SNTB1: variants seen among roughly 807,000 people sequenced by gnomAD.
SNTB1 encodes syntrophin beta 1.
In SNTB1, 36 loss-of-function variants were observed where a neutral mutation model predicts 48.9. That is an observed-to-expected ratio of 0.74 (90% CI 0.56 to 0.97). The LOEUF (loss-of-function observed/expected upper bound fraction) is 0.97, where lower values mean the gene tolerates loss of function less well. Ranked by LOEUF, SNTB1 falls within the 50% of genes least tolerant of loss-of-function variation. SNTB1 has a pLI of 0.00. For missense variants in SNTB1, 786 were observed against 703.4 expected (o/e 1.12, Z -1.33); for synonymous variants, 299 against 294.6 (o/e 1.01, Z -0.15).
intron 2 of SNTB1, among the ~76,000 whole-genome samples, chr8:120,666,513 T>TGGG (rs1817675281): frequency 6.6e-6 from 1 of 152,238 alleles, no homozygotes; most frequent in African/African-American, 2.4e-5. Context: ...CGGTGGCTTT[T>TGGG]TAAAATTTTC....
intron 1 of SNTB1, among the ~76,000 whole-genome samples, chr8:120,757,099 A>G (rs1304258053): frequency 6.6e-6 from 1 of 152,210 alleles, no homozygotes; most frequent in African/African-American, 2.4e-5. Flanking sequence ...GCCTTGGGCT[A>G]AGGACTGTGC....
chr8:120,707,816 AC>A (rs1248227710), intron 1 of SNTB1, among the ~76,000 whole-genome samples: 2 of 152,186 alleles, frequency 1.3e-5, no homozygotes, highest in African/African-American at 4.8e-5. Context: ...ACTTCAAGTA[AC>A]ATGAAGACAT....
chr8:120,658,225 C>T (rs1817531130), intron 2 of SNTB1, among the ~76,000 whole-genome samples: 1 of 152,148 alleles, frequency 6.6e-6, no homozygotes, highest in Non-Finnish European at 1.5e-5. Context: ...TATCCAAGAA[C>T]CTGTTAACAG....
At chr8:120,759,034 G>C (rs1819365945) in intron 1 of SNTB1, among the ~76,000 whole-genome samples, 1 of 151,950 alleles carries the variant, frequency 6.6e-6, no homozygotes, top group Non-Finnish European at 1.5e-5. Flanking sequence ...GCCTCCCAAA[G>C]TGCAAGGATT....
intron 2 of SNTB1, among the ~76,000 whole-genome samples, chr8:120,692,879 A>G (rs898032914): frequency 3.9e-5 from 6 of 152,198 alleles, no homozygotes; most frequent in Admixed American, 2.0e-4. Flanking sequence ...AGCACCTTAC[A>G]TGGTGCATTG....
intron 4 of SNTB1, among the ~76,000 whole-genome samples, chr8:120,569,231 C>T (rs1033412952): frequency 6.6e-6 from 1 of 152,206 alleles, no homozygotes; most frequent in Non-Finnish European, 1.5e-5. Context: ...CTGCCTACCT[C>T]GGCCTCCCAA....
intron 1 of SNTB1, among the ~76,000 whole-genome samples, chr8:120,773,609 GA>G (rs1307965052): frequency 1.3e-5 from 2 of 152,066 alleles, no homozygotes; most frequent in African/African-American, 2.4e-5. Flanking sequence ...AGTTAATAGG[GA>G]AAAAAATGTG....
intron 4 of SNTB1, among the ~76,000 whole-genome samples, chr8:120,567,712 A>G (rs1020602524): frequency 4.6e-5 from 7 of 151,972 alleles, no homozygotes; most frequent in African/African-American, 1.4e-4. Context: ...AGCTTGATCT[A>G]TTTTGAAAAT....
At chr8:120,787,623 TA>T (rs1291872844) in intron 1 of SNTB1, among the ~76,000 whole-genome samples, 1 of 151,980 alleles carries the variant, frequency 6.6e-6, no homozygotes, top group Non-Finnish European at 1.5e-5. Flanking sequence ...CTAGATCAAG[TA>T]GAAGAATTTC....
Position 120,733,865 on chromosome 8 carries a change from T to G in SNTB1, c.572-39957A>C, listed in dbSNP as rs143606124. Among the ~76,000 whole-genome samples the G allele has an allele frequency of 3.6e-3, 555 of 152,308 alleles. 3 individuals carry two copies. The highest frequency in any genetic ancestry group is 0.013 in the African/African-American group (537 of 41,570). ...GCTATAATTATTGTATTATAATTAT[T>G]AGTTTAACATAAGACTTTCTCACGG... On this transcript the variant is annotated intron_variant, in intron 1 of 6. Coordinates refer to ENST00000517992, the MANE Select transcript of SNTB1 (RefSeq NM_021021.4).
intron 4 of SNTB1, among the ~76,000 whole-genome samples, chr8:120,571,875 C>T (rs1815860432): frequency 6.6e-6 from 1 of 152,090 alleles, no homozygotes. Flanking sequence ...AGCTTGAAAG[C>T]TTCAAATATT....
At chr8:120,581,331 C>T (rs907863036) in intron 3 of SNTB1, among the ~76,000 whole-genome samples, 8 of 152,092 alleles carry the variant, frequency 5.3e-5, no homozygotes, top group African/African-American at 1.4e-4. Context: ...AGGCCAGGCA[C>T]GGTGGCTCAG....
At chr8:120,698,087 C>T (rs60165551) in intron 1 of SNTB1, among the ~76,000 whole-genome samples, 66 of 152,200 alleles carry the variant, frequency 4.3e-4, no homozygotes, top group Admixed American at 9.2e-4. Context: ...AGAATTTTCC[C>T]GATGCCAAGA....
intron 1 of SNTB1, among the ~76,000 whole-genome samples, chr8:120,750,077 T>C (rs1193825666): frequency 2.0e-5 from 3 of 152,142 alleles, no homozygotes; most frequent in Non-Finnish European, 4.4e-5. Flanking sequence ...GGCCAGCCCT[T>C]CCTGTCAGAG....
At chr8:120,571,171 A>T (rs1258778562) in intron 4 of SNTB1, 2 of 1,221,126 alleles carry the variant, frequency 1.6e-6, no homozygotes, top group African/African-American at 3.1e-5. Context: ...GTACGAGGGT[A>T]AATTTTATTT....
At chr8:120,651,102 A>G (rs974254455) in intron 2 of SNTB1, among the ~76,000 whole-genome samples, 1 of 152,214 alleles carries the variant, frequency 6.6e-6, no homozygotes, top group Admixed American at 6.5e-5. Flanking sequence ...CTAGTTTACA[A>G]TGAACAGTCT....
At chr8:120,586,123 G>T (rs1021343161) in intron 3 of SNTB1, among the ~76,000 whole-genome samples, 6 of 152,296 alleles carry the variant, frequency 3.9e-5, no homozygotes, top group African/African-American at 9.6e-5. Flanking sequence ...TATACAAAGA[G>T]AAATCACCTC....
chr8:120,589,429 C>T (rs1816203198), intron 3 of SNTB1, among the ~76,000 whole-genome samples: 1 of 152,228 alleles, frequency 6.6e-6, no homozygotes, highest in Admixed American at 6.5e-5. Context: ...TAATGTACCA[C>T]TGTCATGATT....
intron 4 of SNTB1, among the ~76,000 whole-genome samples, chr8:120,550,697 G>A (rs1264699957): frequency 1.3e-5 from 2 of 152,140 alleles, no homozygotes; most frequent in Non-Finnish European, 2.9e-5. Context: ...TCAGGAGGGA[G>A]GAGGGCATTT....
Sources: gnomAD v4.1 joint callset for allele counts (sites outside exome capture counted in the v4.1 genomes callset) on GRCh38, gnomAD v4.1.1 for gene constraint, MANE v1.5 for transcripts, NCBI Gene and HGNC (gene_info 2026-07-23, HGNC 2026-07-21) for gene names.